The following DTNBP1 variants were observed in gnomAD, a reference collection of about 807,000 sequenced individuals.
The protein encoded by DTNBP1 is dysbindin.
DTNBP1 carries 35 observed loss-of-function variants against 42.8 expected under a neutral mutation model. The observed-to-expected ratio is 0.82, with a 90% CI of 0.63 to 1.09. The LOEUF (loss-of-function observed/expected upper bound fraction) is 1.09, where lower values mean the gene tolerates loss of function less well. Among genes scored for constraint, DTNBP1 ranks in the 50% least tolerant of loss-of-function variants. The pLI, the probability that DTNBP1 is intolerant of heterozygous loss-of-function variation, is 0.00. For synonymous variants in DTNBP1, 171 were observed against 162.2 expected (o/e 1.05, Z -0.41); for missense variants, 457 against 424.2 (o/e 1.08, Z -0.68).
At chr6:15,589,075 C>T (rs9296984) in intron 7 of DTNBP1, among the ~76,000 whole-genome samples, 23,517 of 152,178 alleles carry the variant, frequency 0.15, 2,705 homozygotes, top group African/African-American at 0.32. Context: ...TTGTCTCACA[C>T]GTTAAGCCAA....
intron 7 of DTNBP1, among the ~76,000 whole-genome samples, chr6:15,558,175 T>C (rs1406632348): frequency 6.6e-6 from 1 of 152,000 alleles, no homozygotes; most frequent in East Asian, 1.9e-4. Flanking sequence ...GCATCTTTGA[T>C]TATGGCTGCC....
At chr6:15,618,051 C>T (rs1283249018) in intron 5 of DTNBP1, among the ~76,000 whole-genome samples, 2 of 152,036 alleles carry the variant, frequency 1.3e-5, no homozygotes, top group African/African-American at 2.4e-5. Flanking sequence ...GTTCTATTTT[C>T]GTTTTGTTTT....
intron 7 of DTNBP1, among the ~76,000 whole-genome samples, chr6:15,543,308 T>C (rs1773684898): frequency 6.6e-6 from 1 of 152,220 alleles, no homozygotes; most frequent in African/African-American, 2.4e-5. Flanking sequence ...AGTGCTAACA[T>C]CTTACATAAT....
At chr6:15,615,837 G>A (rs1453156306) in intron 5 of DTNBP1, among the ~76,000 whole-genome samples, 2 of 152,152 alleles carry the variant, frequency 1.3e-5, no homozygotes, top group Non-Finnish European at 2.9e-5. Flanking sequence ...AATTACGTTA[G>A]CATTTGTTTT....
At chr6:15,541,478 C>T (rs986412836) in intron 7 of DTNBP1, among the ~76,000 whole-genome samples, 6 of 152,030 alleles carry the variant, frequency 3.9e-5, no homozygotes, top group African/African-American at 1.4e-4. Context: ...CTGGGGAAAG[C>T]CAGACAAATA....
chr6:15,556,331 G>A (rs560011874), intron 7 of DTNBP1, among the ~76,000 whole-genome samples: 3 of 152,006 alleles, frequency 2.0e-5, no homozygotes, highest in Admixed American at 6.5e-5. Context: ...ACAGCCATGC[G>A]CCACCAAGCC....
rs771935509 is a variant in DTNBP1 at position 15,533,281 on chromosome 6, T to G, written c.626A>C (p.Gln209Pro). ...FEEAFQQDME[Q>P]YLSTGYLQIA... The stretch of plus-strand genomic sequence containing the variant: ...CTGCAGGTAGCCAGTGGACAGGTAC[T>G]GCTCCATGTCCTGCTGGAAGGCTTC... Residue 209 changes from glutamine (Q) to proline (P), a missense_variant, in exon 8 of 10, where the codon CAG becomes CCG. Gln to Pro is a moderately conservative substitution (Grantham distance 76). Coordinates refer to ENST00000344537, the MANE Select transcript of DTNBP1 (RefSeq NM_032122.5). 1 of 1,614,206 alleles carries G rather than the reference T, an allele frequency of 6.2e-7. No individual in the cohort carries two copies. Among genetic ancestry groups the G allele is most frequent in the Non-Finnish European group, 8.5e-7 (1 of 1,180,038 alleles).
rs762467434 is a variant in DTNBP1 at position 15,585,691 on chromosome 6, G to A, written c.511+7368C>T. 9.1e-6 allele frequency: 14 copies of A among 1,533,688 alleles called. No individual in the cohort carries two copies. In the Admixed American group the frequency reaches 1.8e-4, roughly 19 times the overall value. ...AACATTTCAAAGGAAAGCAGCAAAG[G>A]AAAAACAGAAAATAAAGTTCCACCT... On this transcript the variant is annotated intron_variant, in intron 7 of 9. Coordinates refer to ENST00000344537, the MANE Select transcript of DTNBP1 (RefSeq NM_032122.5).
chr6:15,559,587 G>A (rs766133037), intron 7 of DTNBP1, among the ~76,000 whole-genome samples: 3 of 152,100 alleles, frequency 2.0e-5, no homozygotes, highest in Non-Finnish European at 4.4e-5. Context: ...GTCTGCTGCT[G>A]GTGTGATGCA....
chr6:15,603,747 T>A (rs1776819781), intron 6 of DTNBP1, among the ~76,000 whole-genome samples: 1 of 152,198 alleles, frequency 6.6e-6, no homozygotes, highest in South Asian at 2.1e-4. Context: ...CAATTACACA[T>A]CCTACTGAGG....
chr6:15,653,008 T>C (rs1433412528), intron 1 of DTNBP1, among the ~76,000 whole-genome samples: 2 of 152,224 alleles, frequency 1.3e-5, no homozygotes, highest in African/African-American at 2.4e-5. Context: ...ACATAATTTA[T>C]CTGGCATCTT....
chr6:15,552,097 G>A (rs578134690), intron 7 of DTNBP1, among the ~76,000 whole-genome samples: 11 of 152,250 alleles, frequency 7.2e-5, no homozygotes, highest in African/African-American at 2.4e-4. Context: ...AACAGGCAAC[G>A]GACAATGACA....
intron 7 of DTNBP1, among the ~76,000 whole-genome samples, chr6:15,554,669 G>A (rs1197022523): frequency 3.3e-5 from 5 of 152,180 alleles, no homozygotes; most frequent in Admixed American, 2.6e-4. Flanking sequence ...TCAATAAACT[G>A]TAGGAGGAGT....
At chr6:15,599,195 T>C (rs920360045) in intron 6 of DTNBP1, among the ~76,000 whole-genome samples, 2 of 152,098 alleles carry the variant, frequency 1.3e-5, no homozygotes, top group South Asian at 2.1e-4. Flanking sequence ...TAAAGAGAGG[T>C]TGAAGCAAGT....
intron 5 of DTNBP1, among the ~76,000 whole-genome samples, chr6:15,621,514 T>C (rs182833087): frequency 1.2e-4 from 19 of 152,320 alleles, no homozygotes; most frequent in Admixed American, 9.8e-4. Context: ...AACCTGGAAT[T>C]CCTAATGAGA....
intron 7 of DTNBP1, among the ~76,000 whole-genome samples, chr6:15,575,433 C>G (rs981095036): frequency 6.6e-6 from 1 of 152,176 alleles, no homozygotes; most frequent in Admixed American, 6.5e-5. Context: ...GGCAAGAGAC[C>G]ACAGAACAAC....
chr6:15,637,815 G>C lies in DTNBP1; in HGVS notation c.162-11C>G. On this transcript the variant is annotated splice_polypyrimidine_tract_variant and intron_variant, in intron 3 of 9. Coordinates refer to ENST00000344537, the MANE Select transcript of DTNBP1 (RefSeq NM_032122.5). ...CATGTATCCTCATACCTAAAAAAAA[G>C]CAAAAAATAATTTGAAATGCAAACC... 1 of 1,611,068 alleles carries C rather than the reference G, an allele frequency of 6.2e-7. No individual in the cohort carries two copies.
intron 3 of DTNBP1, among the ~76,000 whole-genome samples, chr6:15,640,284 C>T (rs1760269067): frequency 6.6e-6 from 1 of 152,158 alleles, no homozygotes; most frequent in Admixed American, 6.5e-5. Flanking sequence ...GAAACTCATC[C>T]CCATCCAATC....
chr6:15,541,418 T>C (rs867378801), intron 7 of DTNBP1, among the ~76,000 whole-genome samples: 3 of 152,194 alleles, frequency 2.0e-5, no homozygotes, highest in African/African-American at 7.2e-5. Flanking sequence ...CAGAACATTT[T>C]CTACAAGGAA....
Sources: allele counts gnomAD v4.1 joint callset (sites outside exome capture counted in the v4.1 genomes callset), GRCh38; gene constraint gnomAD v4.1.1; transcripts MANE v1.5; gene names NCBI Gene and HGNC (gene_info 2026-07-23, HGNC 2026-07-21).